Variants in TMED4 observed in about 807,000 individuals in gnomAD.
TMED4 encodes the protein transmembrane emp24 domain-containing protein 4.
Under a neutral mutation model 26.5 loss-of-function variants are expected in TMED4, and 19 were observed. That is an observed-to-expected ratio of 0.72 (90% CI 0.50 to 1.05). The LOEUF is 1.05. Ranked by LOEUF, TMED4 falls within the 50% of genes least tolerant of loss-of-function variation. The pLI, the probability that TMED4 is intolerant of heterozygous loss-of-function variation, is 0.00. For missense variants in TMED4, 303 were observed against 302.5 expected (o/e 1.00, Z -0.01); for synonymous variants, 121 against 119.8 (o/e 1.01, Z -0.07).
chr7:44,581,602 C>G (rs1802999482), intron 2 of TMED4, 28 bp from the exon 3 acceptor site: 1 of 1,614,026 alleles, frequency 6.2e-7, no homozygotes, highest in African/African-American at 1.3e-5. Context: ...GAAGGCCCCA[C>G]CTTTATACCG....
In TMED4 at chr7:44,582,186, C is replaced by T; in HGVS notation, c.21G>A (p.Gly7=). 1 of 1,546,456 alleles carries T rather than the reference C, an allele frequency of 6.5e-7. No homozygotes were observed. The highest frequency in any genetic ancestry group is 2.0e-5 in the Admixed American group (1 of 49,948). Residue 7 remains glycine, a synonymous_variant, in exon 1 of 5, where the codon GGG becomes GGA. Transcript: ENST00000457408. MAGVGA[G]PLRAMGRQAL... is the part of the protein sequence containing the mutation. Reference sequence around the variant, plus strand: ...CCTGCCGCCCCATCGCCCGCAGAGGCCCAGCCCCGACACCTGCCATCGCGC... The same window carrying T: ...CCTGCCGCCCCATCGCCCGCAGAGGTCCAGCCCCGACACCTGCCATCGCGC...
chr7:44,580,027 G>C (rs1802932369), intron 4 of TMED4: 1 of 159,980 alleles, frequency 6.3e-6, no homozygotes, highest in Non-Finnish European at 1.4e-5. Flanking sequence ...TAACATGGAT[G>C]AACTGTGAGA....
intron 4 of TMED4, chr7:44,579,890 C>T (rs1285070972): frequency 6.1e-6 from 2 of 325,682 alleles, no homozygotes; most frequent in East Asian, 5.1e-5. Context: ...TAGGCAATGG[C>T]TATTACTAGA....
rs1381385183 is a variant in TMED4 at position 44,581,521 on chromosome 7, G to C, written c.315C>G (p.His105Gln). ...GSEGRFTFTS[H>Q]TPGDHQICLH... Reference sequence around the variant, plus strand: ...GACAGATTTGATGGTCACCGGGCGTGTGGGAGGTGAACGTGAAGCGGCCCT... The same window carrying C: ...GACAGATTTGATGGTCACCGGGCGTCTGGGAGGTGAACGTGAAGCGGCCCT... The change falls in exon 3 of 5, where the codon CAC (histidine) becomes CAG (glutamine). Residue 105 changes from histidine (H) to glutamine (Q), a missense_variant. His to Gln is a conservative substitution (Grantham distance 24). Coordinates refer to ENST00000457408, the MANE Select transcript of TMED4 (RefSeq NM_182547.4). The C allele has an allele frequency of 6.2e-7, 1 of 1,614,248 alleles. No homozygotes were observed. The highest frequency in any genetic ancestry group is 8.5e-7 in the Non-Finnish European group (1 of 1,180,052).
Position 44,582,207 on chromosome 7 carries a change from C to G in TMED4, c.-1G>C, listed in dbSNP as rs955270124. ...GAGGCCCAGCCCCGACACCTGCCATCGCGCCTCAGCCCCTAAGCGCCTGCG... is the reference window on the plus strand; with the variant it reads ...GAGGCCCAGCCCCGACACCTGCCATGGCGCCTCAGCCCCTAAGCGCCTGCG... On this transcript the variant is annotated 5_prime_UTR_variant, in exon 1 of 5. Transcript: ENST00000457408. 2.1e-5 allele frequency: 33 copies of G among 1,542,120 alleles called. No individual in the cohort carries two copies. In the African/African-American group the frequency reaches 2.2e-4, roughly 10 times the overall value.
chr7:44,580,908 A>G, intron 4 of TMED4, 185 bp downstream of exon 4: 1 of 635,754 alleles, frequency 1.6e-6, no homozygotes, highest in South Asian at 2.0e-5. Context: ...AGATCATGGC[A>G]TTGCACTCCA....
In TMED4 at chr7:44,581,257, A is replaced by C; in HGVS notation, c.388-18T>G. ...TGCACCCGCTACAAGGAAACATGGA[A>C]TGTATGAGTGGTGGGGCCTCCAGTT... On this transcript the variant is annotated intron_variant, in intron 3 of 4. Transcript: ENST00000457408. The C allele has an allele frequency of 1.9e-6, 3 of 1,613,812 alleles. No individual in the cohort carries two copies. The highest frequency in any genetic ancestry group is 2.5e-6 in the Non-Finnish European group (3 of 1,179,762).
At position 44,579,174 on chromosome 7, in the gene TMED4, GTT is replaced by G. The variant is rs999620549; in HGVS notation, c.*303_*304del. On this transcript the variant is annotated 3_prime_UTR_variant, in exon 5 of 5. Coordinates refer to ENST00000457408, the MANE Select transcript of TMED4 (RefSeq NM_182547.4). ...GAGAAAGCAGAAGGTAATGGAGAGA[GTT>G]TTCATTTGCTTATTTAGTGAAAAAC... 28 of 242,200 alleles carry G rather than the reference GTT, an allele frequency of 1.2e-4. No individual in the cohort carries two copies. Among genetic ancestry groups the G allele is most frequent in the African/African-American group, 6.3e-4 (28 of 44,562 alleles). 15.0% of individuals were successfully genotyped at this position (242,200 alleles called of 1,614,324 possible). A position where few individuals can be genotyped will look rare whatever the true frequency, so the allele number is the denominator to read the frequency against.
Position 44,579,423 on chromosome 7 carries a change from T to G in TMED4, c.*56A>C. 1 of 1,556,500 alleles carries G rather than the reference T, an allele frequency of 6.4e-7. No homozygotes were observed. Among genetic ancestry groups the G allele is most frequent in the Non-Finnish European group, 8.8e-7 (1 of 1,141,144 alleles). ...AAAAATCCAGGTGGATAAAGGACTG[T>G]GTGGGGAAAGTACCAAATAAATGAG... On this transcript the variant is annotated 3_prime_UTR_variant, in exon 5 of 5. Coordinates refer to ENST00000457408, the MANE Select transcript of TMED4 (RefSeq NM_182547.4).
chr7:44,581,705 GGC>G lies in TMED4; in HGVS notation c.261+16_261+17del, dbSNP rs1269973550. The G allele has an allele frequency of 6.2e-7, 1 of 1,614,094 alleles. No homozygotes were observed. Among genetic ancestry groups the G allele is most frequent in the African/African-American group, 1.3e-5 (1 of 75,068 alleles). ...AGCTCCACTGAAGAACGGCTGCGTGGGCCAACGCCAGCCTTACCTTGCCGTCG... is the reference window on the plus strand; with the variant it reads ...AGCTCCACTGAAGAACGGCTGCGTGGCAACGCCAGCCTTACCTTGCCGTCG... On this transcript the variant is annotated intron_variant, in intron 2 of 4. Coordinates refer to ENST00000457408, the MANE Select transcript of TMED4 (RefSeq NM_182547.4).
Position 44,581,733 on chromosome 7 carries a change from G to C in TMED4, c.251C>G (p.Pro84Arg). Residue 84 changes from proline (P) to arginine (R), a missense_variant, in exon 2 of 5, where the codon CCC becomes CGC. By Grantham distance (103) the Pro-to-Arg change is moderately radical. Transcript: ENST00000457408. ...CAACGCCAGCCTTACCTTGCCGTCG[G>C]GGTCCTTCACTTCCACGTGCATGCC... ...GLGMHVEVKD[P>R]DGKVVLSRQY... 1.2e-6 allele frequency: 2 copies of C among 1,614,210 alleles called. No homozygotes were observed. The highest frequency in any genetic ancestry group is 1.7e-6 in the Non-Finnish European group (2 of 1,180,028).
Position 44,582,133 on chromosome 7 carries a change from G to A in TMED4, c.74C>T (p.Thr25Ile), listed in dbSNP as rs773564253. The stretch of plus-strand genomic sequence containing the variant: ...GTGGAAGTAGAGCCCCTGGGCGCCT[G>A]TGGCGCACAGCGCGAGAAGCAGCAG... ...QALLLLALCA[T>I]GAQGLYFHIG... The change falls in exon 1 of 5, where the codon ACA becomes ATA. Residue 25 changes from threonine to isoleucine, a missense_variant. Coordinates refer to ENST00000457408, the MANE Select transcript of TMED4 (RefSeq NM_182547.4). 2.4e-5 allele frequency: 37 copies of A among 1,552,546 alleles called. No homozygotes were observed. In the South Asian group the frequency reaches 3.7e-4, roughly 15 times the overall value.
Position 44,581,488 on chromosome 7 carries a change from G to GGAGTGCAGACAGATTT in TMED4, c.332_347dup (p.Ser118LeufsTer34). ...CGAAGAGAGCCATCCTGGTAGAATT[G>GGAGTGCAGACAGATTT]GAGTGCAGACAGATTTGATGGTCAC... is the stretch of plus-strand genomic sequence containing the variant. On this transcript the variant is annotated frameshift_variant, in exon 3 of 5. Coordinates refer to ENST00000457408, the MANE Select transcript of TMED4 (RefSeq NM_182547.4). LOFTEE classifies it high-confidence loss of function. The GGAGTGCAGACAGATTT allele has an allele frequency of 6.2e-7, 1 of 1,614,218 alleles. No individual in the cohort carries two copies. The highest frequency in any genetic ancestry group is 8.5e-7 in the Non-Finnish European group (1 of 1,180,042).
intron 4 of TMED4, 126 bp downstream of exon 4, chr7:44,580,967 A>G: frequency 2.8e-6 from 3 of 1,066,106 alleles, no homozygotes; most frequent in Non-Finnish European, 1.4e-6. Flanking sequence ...CAAACAAACA[A>G]CCTATCTAAA....
In TMED4 at chr7:44,578,141, C is replaced by G. The variant is rs935681263; in HGVS notation, c.*1338G>C. ...TTTGCAAATAGTTGAACAACCACACCGTGTATTCCCATACCCCCTAGACTG... is the reference window on the plus strand; with the variant it reads ...TTTGCAAATAGTTGAACAACCACACGGTGTATTCCCATACCCCCTAGACTG... On this transcript the variant is annotated 3_prime_UTR_variant, in exon 5 of 5. Transcript: ENST00000457408. The G allele has an allele frequency of 6.6e-6, 1 of 152,152 alleles. No homozygotes were observed. The highest frequency in any genetic ancestry group is 6.5e-5 in the Admixed American group (1 of 15,274). The allele number at this position is 152,152 out of a possible 1,614,324, so 9.4% of individuals were successfully genotyped here. A position where few individuals can be genotyped will look rare whatever the true frequency, so the allele number is the denominator to read the frequency against.
chr7:44,582,146 C>G lies in TMED4; in HGVS notation c.61G>C (p.Ala21Pro). 6.4e-7 allele frequency: 1 copy of G among 1,550,566 alleles called. No homozygotes were observed. Among genetic ancestry groups the G allele is most frequent in the Non-Finnish European group, 8.7e-7 (1 of 1,146,964 alleles). ...CCCTGGGCGCCTGTGGCGCACAGCG[C>G]GAGAAGCAGCAGGGCCTGCCGCCCC... ...AMGRQALLLL[A>P]LCATGAQGLY... The change falls in exon 1 of 5, where the codon GCG (alanine) becomes CCG (proline). Residue 21 changes from alanine to proline, a missense_variant. Transcript: ENST00000457408.
In TMED4 at chr7:44,578,150, C is replaced by T. The variant is rs541256471; in HGVS notation, c.*1329G>A. On this transcript the variant is annotated 3_prime_UTR_variant, in exon 5 of 5. Transcript: ENST00000457408. The stretch of plus-strand genomic sequence containing the variant: ...AGTTGAACAACCACACCGTGTATTC[C>T]CATACCCCCTAGACTGCCTGTCCAG... 1.3e-4 allele frequency: 20 copies of T among 152,280 alleles called. No homozygotes were observed. The highest frequency in any genetic ancestry group is 4.8e-4 in the African/African-American group (20 of 41,548). The allele number at this position is 152,280 out of a possible 1,614,324, so 9.4% of individuals were successfully genotyped here.
At position 44,581,771 on chromosome 7, in the gene TMED4, CG is replaced by C; in HGVS notation, c.212del (p.Ser71Ter). ...WDKQKEVFLPSTPGLGMHVEV... is the reference protein window; with the variant it reads ...WDKQKEVFLPXTPGLGMHVEV... ...CCACGTGCATGCCCAGGCCAGGGGT[CG>C]AGGGCAGGAAGACCTCCTTCTGCTT... On this transcript the variant is annotated frameshift_variant, in exon 2 of 5. Coordinates refer to ENST00000457408, the MANE Select transcript of TMED4 (RefSeq NM_182547.4). LOFTEE classifies it high-confidence loss of function. The C allele has an allele frequency of 6.2e-7, 1 of 1,614,178 alleles. No individual in the cohort carries two copies. Among genetic ancestry groups the C allele is most frequent in the Non-Finnish European group, 8.5e-7 (1 of 1,180,032 alleles).
chr7:44,581,380 T>A, intron 3 of TMED4, 69 bp downstream of exon 3: 1 of 1,611,270 alleles, frequency 6.2e-7, no homozygotes. Flanking sequence ...AGTTTCACAA[T>A]CTTGATAAAT....
Sources: gnomAD v4.1 joint callset for allele counts on GRCh38, gnomAD v4.1.1 for gene constraint, MANE v1.5 for transcripts, NCBI Gene and HGNC (gene_info 2026-07-23, HGNC 2026-07-21) for gene names.